The following TRPM6 variants were observed in gnomAD, a reference collection of about 807,000 sequenced individuals.
TRPM6 encodes channel kinase 2.
A neutral mutation model predicts 247.6 loss-of-function variants in TRPM6; 111 were observed. The observed-to-expected ratio is 0.45, with a 90% CI of 0.38 to 0.52. TRPM6 has a LOEUF of 0.52. Ranked by LOEUF, TRPM6 falls within the 20% of genes least tolerant of loss-of-function variation. The probability of loss-of-function intolerance (pLI) is 0.00; values close to 1 mark genes in which losing one functional copy is unlikely to be tolerated. For synonymous variants in TRPM6, 892 were observed against 853.8 expected (o/e 1.04, Z -0.78); for missense variants, 2,126 against 2,421.5 (o/e 0.88, Z 2.56).
chr9:74,837,097 A>G (rs1829749005), intron 5 of TRPM6, among the ~76,000 whole-genome samples: 1 of 152,118 alleles, frequency 6.6e-6, no homozygotes, highest in African/African-American at 2.4e-5. Context: ...CATTCCTAAC[A>G]CCTATCCAAA....
chr9:74,794,041 C>A (rs1394010003), intron 18 of TRPM6, among the ~76,000 whole-genome samples: 1 of 151,550 alleles, frequency 6.6e-6, no homozygotes, highest in Non-Finnish European at 1.5e-5. Flanking sequence ...CAAGACAAGA[C>A]AAGAAAAGAA....
rs772926032 is a variant in TRPM6, at chr9:74,750,701, A to T, written c.5020T>A (p.Trp1674Arg). The change falls in exon 30 of 39, where the codon TGG becomes AGG. Residue 1674 changes from tryptophan to arginine, a missense_variant. Physicochemically the swap from Trp to Arg is moderately radical, Grantham distance 101. This residue lies in a region of TRPM6 where 717 missense variants were observed against 715.9 expected (regional missense o/e 1.00). Transcript: ENST00000360774. ...SQEDLSKNSL[W>R]NSRSTNLNRN... is the part of the protein sequence containing the mutation. ...TTGAGGTTGGTGCTCCTGGAATTCCACAAAGAGTTTTTGCTGAGATCCTGA... is the reference window on the plus strand; with the variant it reads ...TTGAGGTTGGTGCTCCTGGAATTCCTCAAAGAGTTTTTGCTGAGATCCTGA... 1.9e-6 allele frequency: 3 copies of T among 1,613,946 alleles called. No homozygotes were observed. Among genetic ancestry groups the T allele is most frequent in the Non-Finnish European group, 2.5e-6 (3 of 1,179,822 alleles).
At chr9:74,737,424 T>C (rs35804026) in intron 36 of TRPM6, 23,060 of 1,289,654 alleles carry the variant, frequency 0.018, 253 homozygotes, top group Middle Eastern at 0.023. Context: ...AGCCTGGCTT[T>C]CAGCATAGAA....
At chr9:74,885,062 C>T (rs938511941) in intron 1 of TRPM6, among the ~76,000 whole-genome samples, 1 of 152,136 alleles carries the variant, frequency 6.6e-6, no homozygotes, top group African/African-American at 2.4e-5. Context: ...CATTGGACAT[C>T]TTGAGGGAAG....
chr9:74,824,180 T>A (rs1426064933), intron 7 of TRPM6, among the ~76,000 whole-genome samples: 3 of 151,494 alleles, frequency 2.0e-5, no homozygotes, highest in Non-Finnish European at 4.4e-5. Context: ...TTATGGAGTC[T>A]CACTTTGTTG....
Position 74,887,812 on chromosome 9 carries a change from G to C in TRPM6, c.33+12C>G. 6.2e-7 allele frequency: 1 copy of C among 1,614,156 alleles called. No homozygotes were observed. The highest frequency in any genetic ancestry group is 8.5e-7 in the Non-Finnish European group (1 of 1,180,040). ...GTCCTTGTTCCCCGCCAGTCGAGCAGCCTGAGCTTACCTGCAAGCGCTCCA... is the reference window on the plus strand; with the variant it reads ...GTCCTTGTTCCCCGCCAGTCGAGCACCCTGAGCTTACCTGCAAGCGCTCCA... On this transcript the variant is annotated intron_variant, in intron 1 of 38. Coordinates refer to ENST00000360774, the MANE Select transcript of TRPM6 (RefSeq NM_017662.5).
At chr9:74,801,243 ATTTTTTTTTTTTTTT>A (rs59490187) in intron 16 of TRPM6, among the ~76,000 whole-genome samples, 6 of 85,252 alleles carry the variant, frequency 7.0e-5, no homozygotes, top group Admixed American at 1.9e-4. Context: ...AAGCCTGGGA[ATTTTTTTTTTTTTTT>A]TTTTTTTTTT....
chr9:74,783,321 A>G (rs986125549), intron 21 of TRPM6, among the ~76,000 whole-genome samples: 1 of 152,226 alleles, frequency 6.6e-6, no homozygotes, highest in Admixed American at 6.5e-5. Context: ...ACATCAACTC[A>G]GTCCATTAGT....
At chr9:74,803,379 G>A (rs1828413088) in intron 15 of TRPM6, among the ~76,000 whole-genome samples, 1 of 151,812 alleles carries the variant, frequency 6.6e-6, no homozygotes, top group African/African-American at 2.4e-5. Context: ...CCTCAAAAAG[G>A]AAAAAATTTT....
intron 1 of TRPM6, among the ~76,000 whole-genome samples, chr9:74,878,724 A>G (rs1244572934): frequency 6.6e-6 from 1 of 152,258 alleles, no homozygotes; most frequent in Non-Finnish European, 1.5e-5. Context: ...ATGAAAAAGC[A>G]AGGAAATATG....
chr9:74,831,506 A>T (rs1323333638), intron 6 of TRPM6, among the ~76,000 whole-genome samples: 1 of 152,126 alleles, frequency 6.6e-6, no homozygotes, highest in Non-Finnish European at 1.5e-5. Context: ...AAAAATAAAA[A>T]TAAAAAGCTA....
At chr9:74,878,636 G>A (rs1032701371) in intron 1 of TRPM6, among the ~76,000 whole-genome samples, 9 of 152,026 alleles carry the variant, frequency 5.9e-5, no homozygotes, top group African/African-American at 1.7e-4. Flanking sequence ...AATCCCCCCC[G>A]TGCAAGCAAA....
At chr9:74,770,333 T>G (rs1826988700) in intron 25 of TRPM6, among the ~76,000 whole-genome samples, 1 of 152,226 alleles carries the variant, frequency 6.6e-6, no homozygotes, top group Non-Finnish European at 1.5e-5. Flanking sequence ...GTTCCATATA[T>G]GTTCAAAAAT....
chr9:74,860,346 A>T (rs934563621), intron 1 of TRPM6, among the ~76,000 whole-genome samples: 4 of 151,764 alleles, frequency 2.6e-5, no homozygotes, highest in East Asian at 1.9e-4. Flanking sequence ...ATTTATTTTT[A>T]TTTTTTTATT....
Position 74,747,971 on chromosome 9 carries a change from T to G in TRPM6, c.5058-57A>C, listed in dbSNP as rs1162502862. ...AATGCTGCCTTAAATCTTACAGTTA[T>G]CAAAAAAAGGAAACAGCACATGGAA... On this transcript the variant is annotated intron_variant, in intron 30 of 38. Transcript: ENST00000360774. 9 of 1,531,388 alleles carry G rather than the reference T, an allele frequency of 5.9e-6. No individual in the cohort carries two copies. In the Middle Eastern group the frequency reaches 5.1e-4, roughly 87 times the overall value. 94.9% of individuals were successfully genotyped at this position (1,531,388 alleles called of 1,614,324 possible).
intron 6 of TRPM6, among the ~76,000 whole-genome samples, chr9:74,830,255 A>G (rs1372227303): frequency 6.6e-6 from 1 of 152,196 alleles, no homozygotes; most frequent in African/African-American, 2.4e-5. Flanking sequence ...TAAATAAGAA[A>G]AATTAGGTAT....
intron 1 of TRPM6, among the ~76,000 whole-genome samples, chr9:74,866,472 T>G (rs574493148): frequency 3.0e-4 from 45 of 149,180 alleles, no homozygotes; most frequent in Non-Finnish European, 4.4e-4. Context: ...TTTGGGGGGG[T>G]TTTTTGTTTT....
chr9:74,733,819 A>C (rs1183382827), intron 36 of TRPM6, among the ~76,000 whole-genome samples: 1 of 151,604 alleles, frequency 6.6e-6, no homozygotes, highest in African/African-American at 2.4e-5. Context: ...CAGCCTCCCA[A>C]AGTGCTGGGA....
rs1830599393 is a variant in TRPM6 at position 74,858,608 on chromosome 9, T to G, written c.113+61A>C. On this transcript the variant is annotated intron_variant, in intron 2 of 38. Transcript: ENST00000360774. ...TCTAAACAAGTCATATTTCTAAGTT[T>G]CTATAAATAGTCCATCAGGTAGTGT... is the stretch of plus-strand genomic sequence containing the variant. The G allele has an allele frequency of 2.8e-6, 3 of 1,069,950 alleles. No individual in the cohort carries two copies. In the African/African-American group the frequency reaches 4.7e-5, roughly 17 times the overall value. The allele number at this position is 1,069,950 out of a possible 1,614,324, so 66.3% of individuals were successfully genotyped here.
Sources: gnomAD v4.1 joint callset for allele counts (sites outside exome capture counted in the v4.1 genomes callset) on GRCh38, gnomAD v4.1.1 for gene constraint, gnomAD v4.1.1 regional missense constraint, MANE v1.5 for transcripts, NCBI Gene and HGNC (gene_info 2026-07-23, HGNC 2026-07-21) for gene names.